GATC: variants seen among roughly 807,000 people sequenced by gnomAD.
GATC encodes glutamyl-tRNA(Gln) amidotransferase subunit C, mitochondrial.
GATC carries 11 observed loss-of-function variants against 14.4 expected under a neutral mutation model. That is an observed-to-expected ratio of 0.77 (90% CI 0.48 to 1.27). The LOEUF is 1.27. Among genes scored for constraint, GATC ranks in the 50% most tolerant of loss-of-function variants. GATC has a pLI of 0.00. For synonymous variants in GATC, 76 were observed against 79.3 expected (o/e 0.96, Z 0.22); for missense variants, 204 against 183.0 (o/e 1.11, Z -0.66).
At chr12:120,454,650 C>T (rs532301180) in intron 2 of GATC, among the ~76,000 whole-genome samples, 8 of 151,806 alleles carry the variant, frequency 5.3e-5, no homozygotes, top group African/African-American at 1.7e-4. Flanking sequence ...CTCCTGACCT[C>T]GTGATCTGCC....
At position 120,446,578 on chromosome 12, in the gene GATC, T is replaced by C. The variant is rs1334735657; in HGVS notation, c.81+17T>C. ...GATCCTCAGGTAAAGGCCAGGGCCA[T>C]CTAGGCGGGTGGCGGAGCAAGCCGG... On this transcript the variant is annotated intron_variant, in intron 1 of 3. Coordinates refer to ENST00000551765, the MANE Select transcript of GATC (RefSeq NM_176818.3). The C allele has an allele frequency of 6.3e-7, 1 of 1,592,868 alleles. No individual in the cohort carries two copies. The highest frequency in any genetic ancestry group is 8.6e-7 in the Non-Finnish European group (1 of 1,169,286).
chr12:120,452,347 G>T (rs1173548897), intron 2 of GATC, among the ~76,000 whole-genome samples: 2 of 152,148 alleles, frequency 1.3e-5, no homozygotes, highest in African/African-American at 4.8e-5. Context: ...ACTGTTCTAA[G>T]ATATGCCAGC....
chr12:120,454,559 C>A (rs2137042291), intron 2 of GATC, among the ~76,000 whole-genome samples: 1 of 150,434 alleles, frequency 6.6e-6, no homozygotes, highest in Admixed American at 6.7e-5. Context: ...CAGGCCCCCG[C>A]CACCACGCCT....
rs1878361781 is a variant in GATC at position 120,462,184 on chromosome 12, A to G, written c.*2225A>G. 1.3e-6 allele frequency: 2 copies of G among 1,594,654 alleles called. No homozygotes were observed. The highest frequency in any genetic ancestry group is 1.3e-5 in the African/African-American group (1 of 74,344). On this transcript the variant is annotated 3_prime_UTR_variant, in exon 4 of 4. Coordinates refer to ENST00000551765, the MANE Select transcript of GATC (RefSeq NM_176818.3). ...CACCCTGAAATGCAAACAAAAACAA[A>G]AAGAGTAAAGGGGAAAAAAATCAGA...
At chr12:120,458,462 T>C (rs1207111673) in intron 3 of GATC, among the ~76,000 whole-genome samples, 2 of 152,184 alleles carry the variant, frequency 1.3e-5, no homozygotes, top group Non-Finnish European at 2.9e-5. Context: ...AAAACACATC[T>C]GCAAGCCAGG....
At chr12:120,459,130 A>T (rs1878261228) in intron 3 of GATC, among the ~76,000 whole-genome samples, 1 of 152,072 alleles carries the variant, frequency 6.6e-6, no homozygotes, top group African/African-American at 2.4e-5. Flanking sequence ...GAGTGCTGGG[A>T]TTACAGGTGT....
At chr12:120,448,232 A>T (rs1877931330) in intron 2 of GATC, among the ~76,000 whole-genome samples, 1 of 150,402 alleles carries the variant, frequency 6.6e-6, no homozygotes, top group Admixed American at 6.6e-5. Flanking sequence ...AATACTTAAA[A>T]TTTTTGTAGA....
chr12:120,446,620 C>T, intron 1 of GATC, 37 bp from the exon 2 acceptor site: 3 of 1,593,946 alleles, frequency 1.9e-6, no homozygotes, highest in Non-Finnish European at 2.6e-6. Context: ...CTTCGGAGCG[C>T]CGGTGACCCA....
intron 3 of GATC, among the ~76,000 whole-genome samples, chr12:120,458,327 C>T (rs1258254838): frequency 2.6e-5 from 4 of 151,884 alleles, no homozygotes; most frequent in African/African-American, 9.7e-5. Flanking sequence ...GTGATCTACC[C>T]GCCTCAGCCT....
chr12:120,447,084 T>TG (rs1365723050), intron 2 of GATC, among the ~76,000 whole-genome samples: 4 of 147,956 alleles, frequency 2.7e-5, no homozygotes, highest in African/African-American at 1.0e-4. Context: ...TTGTTTTGTT[T>TG]TTTTTTTTTT....
intron 1 of GATC, 48 bp downstream of exon 1, chr12:120,446,609 A>G: frequency 6.3e-7 from 1 of 1,591,950 alleles, no homozygotes; most frequent in Non-Finnish European, 8.6e-7. Flanking sequence ...GCCGGGAGGC[A>G]CTTCGGAGCG....
chr12:120,457,346 TA>T (rs1472540635), intron 3 of GATC, among the ~76,000 whole-genome samples, 167 bp downstream of exon 3: 8 of 152,144 alleles, frequency 5.3e-5, no homozygotes, highest in Admixed American at 3.3e-4. Flanking sequence ...TACTCACCTC[TA>T]GGGGGCAGTT....
Position 120,462,420 on chromosome 12 carries a change from T to C in GATC, c.*2461T>C, listed in dbSNP as rs1683695776. 5.7e-6 allele frequency: 2 copies of C among 348,942 alleles called. No homozygotes were observed. Among genetic ancestry groups the C allele is most frequent in the East Asian group, 5.2e-5 (1 of 19,362 alleles). The allele number at this position is 348,942 out of a possible 1,614,324, so 21.6% of individuals were successfully genotyped here. On this transcript the variant is annotated 3_prime_UTR_variant, in exon 4 of 4. Coordinates refer to ENST00000551765, the MANE Select transcript of GATC (RefSeq NM_176818.3). ...ACACAATAAATGCCAATTTGACATG[T>C]TGATACTCAATTAACTATGATAAAC... is the stretch of plus-strand genomic sequence containing the variant.
At chr12:120,452,765 G>C (rs188982064) in intron 2 of GATC, among the ~76,000 whole-genome samples, 2 of 152,128 alleles carry the variant, frequency 1.3e-5, no homozygotes, top group African/African-American at 4.8e-5. Context: ...CGCAATCTTG[G>C]CTCACTGCAG....
At chr12:120,451,000 C>G (rs553486288) in intron 2 of GATC, among the ~76,000 whole-genome samples, 1 of 151,472 alleles carries the variant, frequency 6.6e-6, no homozygotes, top group Non-Finnish European at 1.5e-5. Context: ...AAAAATTTGC[C>G]GGGCATGGTG....
At chr12:120,454,071 T>C (rs1700265257) in intron 2 of GATC, among the ~76,000 whole-genome samples, 1 of 152,166 alleles carries the variant, frequency 6.6e-6, no homozygotes, top group Non-Finnish European at 1.5e-5. Flanking sequence ...TTAGATCTAC[T>C]CTTGGGGAAG....
Position 120,461,565 on chromosome 12 carries a change from T to C in GATC, c.*1606T>C, listed in dbSNP as rs1878339967. The C allele has an allele frequency of 6.6e-6, 1 of 152,654 alleles. No individual in the cohort carries two copies. The highest frequency in any genetic ancestry group is 2.1e-4 in the South Asian group (1 of 4,852). The allele number at this position is 152,654 out of a possible 1,614,324, so 9.5% of individuals were successfully genotyped here. A position where few individuals can be genotyped will look rare whatever the true frequency, so the allele number is the denominator to read the frequency against. ...CCATATAAATAAAGTTATCTACCCC[T>C]GCTCCTAACTGGGTACAAGTTATGA... On this transcript the variant is annotated 3_prime_UTR_variant, in exon 4 of 4. Coordinates refer to ENST00000551765, the MANE Select transcript of GATC (RefSeq NM_176818.3).
chr12:120,447,326 C>T (rs1025465759), intron 2 of GATC, among the ~76,000 whole-genome samples: 1 of 152,070 alleles, frequency 6.6e-6, no homozygotes, highest in Non-Finnish European at 1.5e-5. Context: ...CCACCCGCCT[C>T]GGCCTCCCAA....
rs1161283558 is a variant in GATC, at chr12:120,446,484, T to C, written c.4T>C (p.Trp2Arg). Residue 2 changes from tryptophan (W) to arginine (R), a missense_variant, in exon 1 of 4, where the codon TGG (tryptophan) becomes CGG (arginine). Trp to Arg is a moderately radical substitution (Grantham distance 101). Coordinates refer to ENST00000551765, the MANE Select transcript of GATC (RefSeq NM_176818.3). Reference protein sequence around the residue: MWSRLVWLGLRA... With the variant: MRSRLVWLGLRA... ...GCGGGGGCCAAGGAAGGAAGAAATG[T>C]GGTCGCGGTTGGTGTGGCTGGGCCT... 2 of 1,606,756 alleles carry C rather than the reference T, an allele frequency of 1.2e-6. No homozygotes were observed. Among genetic ancestry groups the C allele is most frequent in the Non-Finnish European group, 1.7e-6 (2 of 1,175,458 alleles).
Sources: gnomAD v4.1 joint callset for allele counts (sites outside exome capture counted in the v4.1 genomes callset) on GRCh38, gnomAD v4.1.1 for gene constraint, MANE v1.5 for transcripts, NCBI Gene and HGNC (gene_info 2026-07-23, HGNC 2026-07-21) for gene names.